The following RAB3C variants were observed in gnomAD, a reference collection of about 807,000 sequenced individuals.
RAB3C encodes RAB3C, member RAS oncogene family.
A neutral mutation model predicts 26.4 loss-of-function variants in RAB3C; 17 were observed. The ratio of observed to expected loss-of-function variants is 0.64; its 90% CI spans 0.44 to 0.97. RAB3C has a LOEUF of 0.97. Ranked by LOEUF, RAB3C falls within the 50% of genes least tolerant of loss-of-function variation. The pLI is 0.00. For synonymous variants in RAB3C, 91 were observed against 95.9 expected (o/e 0.95, Z 0.30); for missense variants, 242 against 281.9 (o/e 0.86, Z 1.01).
At chr5:58,736,452 T>C (rs1231020599) in intron 3 of RAB3C, among the ~76,000 whole-genome samples, 1 of 152,156 alleles carries the variant, frequency 6.6e-6, no homozygotes, top group South Asian at 2.1e-4. Context: ...AACGAATTCC[T>C]CCTAAGGCAC....
chr5:58,819,523 A>T (rs73088965), intron 3 of RAB3C, among the ~76,000 whole-genome samples: 7,746 of 152,278 alleles, frequency 0.051, 660 homozygotes, highest in African/African-American at 0.18. Flanking sequence ...CCTACATAAA[A>T]GAAATATCAA....
At chr5:58,744,356 T>C (rs1365329506) in intron 3 of RAB3C, among the ~76,000 whole-genome samples, 1 of 152,214 alleles carries the variant, frequency 6.6e-6, no homozygotes, top group African/African-American at 2.4e-5. Context: ...GACTATCTTA[T>C]TAATGGAAGT....
Position 58,749,102 on chromosome 5 carries a change from G to C in RAB3C, c.371+22982G>C, listed in dbSNP as rs141891434. ...TTAATTTGGGACACTATGTACACAA[G>C]GAGTAAACTTCTATCATGCCCTTAC... On this transcript the variant is annotated intron_variant, in intron 3 of 4. Transcript: ENST00000282878. 2.3e-3 allele frequency among the ~76,000 whole-genome samples: 347 copies of C among 152,162 alleles called. 1 individual carries two copies. Among genetic ancestry groups the C allele is most frequent in the African/African-American group, 7.9e-3 (328 of 41,538 alleles).
intron 4 of RAB3C, among the ~76,000 whole-genome samples, chr5:58,840,942 T>C (rs1338121351): frequency 6.6e-6 from 1 of 152,240 alleles, no homozygotes; most frequent in Non-Finnish European, 1.5e-5. Context: ...CCTAGAATTG[T>C]GCCTGCCAGG....
chr5:58,594,043 C>T (rs754637991), intron 1 of RAB3C, among the ~76,000 whole-genome samples: 8 of 152,162 alleles, frequency 5.3e-5, no homozygotes, highest in Admixed American at 2.0e-4. Context: ...CATAATCTAA[C>T]GGTAAGAGGT....
At chr5:58,689,519 GAA>G (rs924180236) in intron 2 of RAB3C, among the ~76,000 whole-genome samples, 1 of 151,678 alleles carries the variant, frequency 6.6e-6, no homozygotes, top group African/African-American at 2.4e-5. Flanking sequence ...TTTTGTTGAA[GAA>G]AAAAAAGTGT....
Position 58,715,606 on chromosome 5 carries a change from C to T in RAB3C, c.253-10396C>T, listed in dbSNP as rs190608864. 2.0e-4 allele frequency among the ~76,000 whole-genome samples: 31 copies of T among 152,098 alleles called. No individual in the cohort carries two copies. The East Asian group carries it at 5.6e-3, about 28-fold the overall frequency. On this transcript the variant is annotated intron_variant, in intron 2 of 4. Coordinates refer to ENST00000282878, the MANE Select transcript of RAB3C (RefSeq NM_138453.4). The stretch of plus-strand genomic sequence containing the variant: ...TTTAGTTTTTTGCACAAGTTAAATT[C>T]GAGATATCTGTGTGTCCCATGATGA...
intron 2 of RAB3C, among the ~76,000 whole-genome samples, chr5:58,699,751 T>C (rs899760939): frequency 6.6e-6 from 1 of 152,194 alleles, no homozygotes; most frequent in Non-Finnish European, 1.5e-5. Flanking sequence ...CAAGGCCCCA[T>C]GGGCATGGGA....
At chr5:58,804,059 T>TAAA (rs11398720) in intron 3 of RAB3C, among the ~76,000 whole-genome samples, 3 of 145,490 alleles carry the variant, frequency 2.1e-5, no homozygotes, top group African/African-American at 2.5e-5. Flanking sequence ...GACTCTATCT[T>TAAA]AAAAAAAAAA....
chr5:58,664,097 G>A (rs995043535), intron 2 of RAB3C, among the ~76,000 whole-genome samples: 1 of 152,048 alleles, frequency 6.6e-6, no homozygotes, highest in African/African-American at 2.4e-5. Flanking sequence ...GAAATTCAGC[G>A]CAGTCCAGCA....
At chr5:58,724,212 T>G (rs949470504) in intron 2 of RAB3C, among the ~76,000 whole-genome samples, 1 of 151,828 alleles carries the variant, frequency 6.6e-6, no homozygotes, top group African/African-American at 2.4e-5. Flanking sequence ...GACCAATTTT[T>G]GTGTGCTGCT....
At chr5:58,738,046 G>A (rs756734769) in intron 3 of RAB3C, among the ~76,000 whole-genome samples, 1 of 152,314 alleles carries the variant, frequency 6.6e-6, no homozygotes, top group Non-Finnish European at 1.5e-5. Flanking sequence ...ATGAAGTACA[G>A]CACAAATGTC....
chr5:58,712,766 C>T (rs1027736557), intron 2 of RAB3C, among the ~76,000 whole-genome samples: 2 of 152,170 alleles, frequency 1.3e-5, no homozygotes, highest in African/African-American at 4.8e-5. Context: ...CTCCAGTGAT[C>T]CACCCATCTC....
chr5:58,689,802 G>A (rs1748525400), intron 2 of RAB3C, among the ~76,000 whole-genome samples: 1 of 152,116 alleles, frequency 6.6e-6, no homozygotes, highest in Non-Finnish European at 1.5e-5. Flanking sequence ...AAAGCCCTGA[G>A]AGGATGCAAC....
At chr5:58,785,361 C>CCCCT (rs1742355012) in intron 3 of RAB3C, among the ~76,000 whole-genome samples, 2 of 152,194 alleles carry the variant, frequency 1.3e-5, no homozygotes, top group African/African-American at 4.8e-5. Context: ...AGATTGGCAA[C>CCCCT]CCCTGCACTA....
intron 3 of RAB3C, among the ~76,000 whole-genome samples, chr5:58,816,204 T>C (rs2112046442): frequency 6.6e-6 from 1 of 152,120 alleles, no homozygotes; most frequent in South Asian, 2.1e-4. Flanking sequence ...TGCGCATAAG[T>C]AGTTTATGTG....
intron 3 of RAB3C, among the ~76,000 whole-genome samples, chr5:58,740,883 A>G (rs1424483116): frequency 1.1e-4 from 16 of 152,144 alleles, no homozygotes; most frequent in Admixed American, 1.3e-4. Flanking sequence ...AAAGTTAACT[A>G]AACTCAAGGT....
intron 3 of RAB3C, among the ~76,000 whole-genome samples, chr5:58,783,092 G>A (rs965846046): frequency 1.3e-5 from 2 of 151,870 alleles, no homozygotes; most frequent in Non-Finnish European, 2.9e-5. Flanking sequence ...ATATAGTACT[G>A]GCAGGTCTGA....
At chr5:58,636,301 G>C (rs1747288441) in intron 2 of RAB3C, among the ~76,000 whole-genome samples, 1 of 152,110 alleles carries the variant, frequency 6.6e-6, no homozygotes. Flanking sequence ...CTGCCCAAAT[G>C]TGCTTCCCTA....
Sources: allele counts gnomAD v4.1 joint callset (sites outside exome capture counted in the v4.1 genomes callset), GRCh38; gene constraint gnomAD v4.1.1; transcripts MANE v1.5; gene names NCBI Gene and HGNC (gene_info 2026-07-23, HGNC 2026-07-21).